The following LRRC4C variants were observed in gnomAD, a reference collection of about 807,000 sequenced individuals.
LRRC4C encodes the protein leucine rich repeat containing 4C, also known as leucine-rich repeat-containing protein 4C.
A neutral mutation model predicts 33.6 loss-of-function variants in LRRC4C; 5 were observed. The observed-to-expected ratio is 0.15, with a 90% CI of 0.08 to 0.31. The LOEUF is 0.31. Ranked by LOEUF, LRRC4C falls within the 10% of genes least tolerant of loss-of-function variation. The pLI, the probability that LRRC4C is intolerant of heterozygous loss-of-function variation, is 1.00. For missense variants in LRRC4C, 560 were observed against 796.7 expected, an observed-to-expected ratio of 0.70 and a Z score of 3.58; for synonymous variants, 329 against 302.0, an observed-to-expected ratio of 1.09 and a Z score of -0.93.
At chr11:41,230,701 G>A (rs1385857078) in intron 1 of LRRC4C, among the ~76,000 whole-genome samples, 1 of 151,908 alleles carries the variant, frequency 6.6e-6, no homozygotes, top group East Asian at 1.9e-4. Context: ...CATGGGCAAG[G>A]ACTTCATGTC....
At position 41,390,404 on chromosome 11, in the gene LRRC4C, C is replaced by A. The variant is rs190913584; in HGVS notation, c.-496+69027G>T. Among the ~76,000 whole-genome samples, 316 of 151,812 alleles carry A rather than the reference C, an allele frequency of 2.1e-3. 2 individuals are homozygous for A. The highest frequency in any genetic ancestry group is 7.3e-3 in the African/African-American group (302 of 41,450). ...GGCACTGTCTTAAATCCTTTGTAACCGGCGACTACAGAATCTTGCATAATC... is the reference window on the plus strand; with the variant it reads ...GGCACTGTCTTAAATCCTTTGTAACAGGCGACTACAGAATCTTGCATAATC... On this transcript the variant is annotated intron_variant, in intron 1 of 6. Transcript: ENST00000528697.
At chr11:40,777,488 C>A (rs1173964091) in intron 2 of LRRC4C, among the ~76,000 whole-genome samples, 1 of 116,260 alleles carries the variant, frequency 8.6e-6, no homozygotes, top group African/African-American at 3.4e-5. Flanking sequence ...CATTCTTTGT[C>A]CTTTTTTACT....
chr11:40,506,085 A>G (rs1045009944), intron 3 of LRRC4C, among the ~76,000 whole-genome samples: 2 of 152,142 alleles, frequency 1.3e-5, no homozygotes, highest in Admixed American at 1.3e-4. Context: ...GGTATGTTCT[A>G]TGTTTACAAA....
chr11:40,653,808 T>A (rs545036654), intron 2 of LRRC4C, among the ~76,000 whole-genome samples: 4 of 152,314 alleles, frequency 2.6e-5, no homozygotes, highest in Middle Eastern at 3.4e-3. Flanking sequence ...GAGGTCTTCA[T>A]GGCAGCCCCA....
chr11:40,724,971 G>A (rs1456424261), intron 2 of LRRC4C, among the ~76,000 whole-genome samples: 1 of 152,154 alleles, frequency 6.6e-6, no homozygotes, highest in Non-Finnish European at 1.5e-5. Flanking sequence ...AATCTCACAT[G>A]TCCAGGAAGA....
chr11:40,454,380 C>T (rs914982954), intron 3 of LRRC4C, among the ~76,000 whole-genome samples: 2 of 151,810 alleles, frequency 1.3e-5, no homozygotes, highest in African/African-American at 4.8e-5. Flanking sequence ...AGGTAGTAAA[C>T]TTAGAGAATT....
intron 3 of LRRC4C, among the ~76,000 whole-genome samples, chr11:40,503,558 A>G (rs1474464499): frequency 1.3e-5 from 2 of 152,296 alleles, no homozygotes; most frequent in Middle Eastern, 3.4e-3. Flanking sequence ...GCAATCTTAT[A>G]CCAAAGCTTC....
chr11:41,130,871 T>A (rs1387841787), intron 1 of LRRC4C, among the ~76,000 whole-genome samples: 1 of 152,040 alleles, frequency 6.6e-6, no homozygotes, highest in Non-Finnish European at 1.5e-5. Context: ...CCAATAATTA[T>A]GCCATAATTT....
chr11:41,317,262 A>T (rs201587734), intron 1 of LRRC4C, among the ~76,000 whole-genome samples: 6 of 141,070 alleles, frequency 4.3e-5, no homozygotes, highest in African/African-American at 7.6e-5. Flanking sequence ...TTTTTTTTTT[A>T]ACCTTAAAAT....
intron 1 of LRRC4C, among the ~76,000 whole-genome samples, chr11:41,152,020 T>C (rs1371966332): frequency 6.6e-6 from 1 of 152,150 alleles, no homozygotes; most frequent in Admixed American, 6.5e-5. Context: ...TACCCACCCT[T>C]CTCTGTTTTT....
At chr11:40,233,251 G>T (rs931753839) in intron 5 of LRRC4C, among the ~76,000 whole-genome samples, 2 of 152,106 alleles carry the variant, frequency 1.3e-5, no homozygotes, top group African/African-American at 4.8e-5. Flanking sequence ...TACATGAGTG[G>T]GGTTTGTCCA....
chr11:41,005,614 A>G (rs1216349130), intron 1 of LRRC4C, among the ~76,000 whole-genome samples: 2 of 152,044 alleles, frequency 1.3e-5, no homozygotes, highest in East Asian at 3.9e-4. Context: ...AAAAATAAAA[A>G]TAAAAATAAA....
chr11:40,884,645 A>G (rs1233404905), intron 2 of LRRC4C, among the ~76,000 whole-genome samples: 1 of 152,118 alleles, frequency 6.6e-6, no homozygotes, highest in Non-Finnish European at 1.5e-5. Context: ...TTATTTCTAT[A>G]TCACTGGACA....
intron 1 of LRRC4C, among the ~76,000 whole-genome samples, chr11:41,048,746 T>C (rs1857983379): frequency 6.6e-6 from 1 of 152,268 alleles, no homozygotes. Context: ...TTTAATATTT[T>C]ATTCCTTCAT....
intron 1 of LRRC4C, among the ~76,000 whole-genome samples, chr11:41,238,814 C>A (rs1266677177): frequency 6.6e-6 from 1 of 152,038 alleles, no homozygotes; most frequent in African/African-American, 2.4e-5. Flanking sequence ...TTCAACTCTA[C>A]GATCTTGGAC....
intron 1 of LRRC4C, among the ~76,000 whole-genome samples, chr11:41,003,058 A>G (rs16935256): frequency 0.14 from 20,867 of 152,192 alleles, 1,509 homozygotes; most frequent in Non-Finnish European, 0.16. Context: ...GAAAACATTG[A>G]AAAGTGACAA....
intron 3 of LRRC4C, among the ~76,000 whole-genome samples, chr11:40,350,021 T>C (rs1397008852): frequency 6.6e-6 from 1 of 152,116 alleles, no homozygotes; most frequent in Non-Finnish European, 1.5e-5. Flanking sequence ...TTTGCAAATG[T>C]TTTCTCCGAT....
intron 5 of LRRC4C, among the ~76,000 whole-genome samples, chr11:40,200,135 G>A (rs1042830650): frequency 3.2e-4 from 42 of 132,480 alleles, no homozygotes; most frequent in African/African-American, 1.2e-3. Context: ...TTGAGGCCAG[G>A]AGTTCAAGAC....
chr11:40,688,834 G>GCCAAATA lies in LRRC4C; in HGVS notation c.-406-40557_-406-40556insTATTTGG, dbSNP rs540887578. ...TGGCTTTCAAGTGCTTCTGCAAAGA[G>GCCAAATA]AGCAAGCAATTTGAACTTGCAAACC... On this transcript the variant is annotated intron_variant, in intron 2 of 6. Coordinates refer to ENST00000528697, the MANE Select transcript of LRRC4C (RefSeq NM_001258419.2). Among the ~76,000 whole-genome samples the GCCAAATA allele has an allele frequency of 4.9e-3, 751 of 152,180 alleles. 7 individuals are homozygous for GCCAAATA. The highest frequency in any genetic ancestry group is 0.017 in the African/African-American group (725 of 41,536).
Sources: allele counts gnomAD v4.1 joint callset (sites outside exome capture counted in the v4.1 genomes callset), GRCh38; gene constraint gnomAD v4.1.1; transcripts MANE v1.5; gene names NCBI Gene and HGNC (gene_info 2026-07-23, HGNC 2026-07-21).